TAF8: variants seen among roughly 807,000 people sequenced by gnomAD.
The protein encoded by TAF8 is transcription initiation factor TFIID subunit 8.
Under a neutral mutation model 36.5 loss-of-function variants are expected in TAF8, and 47 were observed. That is an observed-to-expected ratio of 1.29 (90% CI 1.02 to 1.64). The LOEUF (loss-of-function observed/expected upper bound fraction) is 1.64, where lower values mean the gene tolerates loss of function less well. Among genes scored for constraint, TAF8 ranks in the 40% most tolerant of loss-of-function variants. The pLI, the probability that TAF8 is intolerant of heterozygous loss-of-function variation, is 0.00. For synonymous variants in TAF8, 175 were observed against 159.5 expected (o/e 1.10, Z -0.73); for missense variants, 420 against 407.6 (o/e 1.03, Z -0.26).
chr6:42,059,603 T>G (rs912861574), intron 5 of TAF8, among the ~76,000 whole-genome samples: 1 of 152,128 alleles, frequency 6.6e-6, no homozygotes, highest in Admixed American at 6.5e-5. Flanking sequence ...AACCATAATT[T>G]CCAATCTTGT....
chr6:42,051,290 T>G, intron 1 of TAF8, 67 bp from the exon 2 acceptor site: 1 of 1,427,312 alleles, frequency 7.0e-7, no homozygotes, highest in Non-Finnish European at 9.5e-7. Context: ...TGCTTGCCGT[T>G]GACCACGTAT....
Position 42,066,478 on chromosome 6 carries a change from T to A in TAF8, c.637+19T>A. The A allele has an allele frequency of 6.2e-7, 1 of 1,613,380 alleles. No individual in the cohort carries two copies. The stretch of plus-strand genomic sequence containing the variant: ...TTTCCATGTGAGAGTTGCCCCACTG[T>A]GTGGACCCTGTCTTATTTGAAACAC... On this transcript the variant is annotated intron_variant, in intron 6 of 8. Transcript: ENST00000372977.
downstream of TAF8, among the ~76,000 whole-genome samples, chr6:42,086,543 C>T (rs1292211437): frequency 2.0e-5 from 3 of 152,178 alleles, no homozygotes; most frequent in Admixed American, 6.5e-5. Context: ...TGAGCAACTC[C>T]TTCAGGAACT....
chr6:42,052,317 G>GCGC (rs1412724274), intron 2 of TAF8, among the ~76,000 whole-genome samples: 9 of 138,566 alleles, frequency 6.5e-5, no homozygotes, highest in African/African-American at 2.2e-4. Context: ...AAGGGGAAAA[G>GCGC]CCCCCCCCCC....
Position 42,082,109 on chromosome 6 carries a change from TTA to T in TAF8, c.*4566_*4567del, listed in dbSNP as rs1359922119. 2 of 152,246 alleles carry T rather than the reference TTA, an allele frequency of 1.3e-5. No individual in the cohort carries two copies. Among genetic ancestry groups the T allele is most frequent in the Non-Finnish European group, 2.9e-5 (2 of 68,056 alleles). 9.4% of individuals were successfully genotyped at this position (152,246 alleles called of 1,614,324 possible). On this transcript the variant is annotated 3_prime_UTR_variant, in exon 9 of 9. Coordinates refer to ENST00000372977, the MANE Select transcript of TAF8 (RefSeq NM_138572.3). The stretch of plus-strand genomic sequence containing the variant: ...AGTTTTCACCATGTGCACGTGTGTG[TTA>T]TGTGTGTGTTGTTCCGTGCAGTTTC...
intron 7 of TAF8, 137 bp downstream of exon 7, chr6:42,068,744 C>G: frequency 1.0e-6 from 1 of 1,000,248 alleles, no homozygotes; most frequent in Non-Finnish European, 1.5e-6. Flanking sequence ...TAAGGGCTTG[C>G]GTGATGATCC....
chr6:42,053,360 T>C (rs1370957657), intron 2 of TAF8, among the ~76,000 whole-genome samples: 1 of 152,170 alleles, frequency 6.6e-6, no homozygotes, highest in Middle Eastern at 3.4e-3. Flanking sequence ...GTCAGGAGTT[T>C]CAAGACCAAC....
chr6:42,053,245 A>G (rs1764861505), intron 2 of TAF8, among the ~76,000 whole-genome samples: 1 of 152,096 alleles, frequency 6.6e-6, no homozygotes, highest in Admixed American at 6.6e-5. Context: ...GCTTTTGTAT[A>G]TGTGTATTTG....
At chr6:42,083,611 TAACA>T (rs940960605), downstream of TAF8, among the ~76,000 whole-genome samples, 2 of 152,194 alleles carry the variant, frequency 1.3e-5, no homozygotes, top group African/African-American at 4.8e-5. Context: ...CCTTCTATTT[TAACA>T]AACAAGTGTG....
intron 2 of TAF8, 141 bp downstream of exon 2, chr6:42,051,654 G>A: frequency 1.0e-6 from 1 of 953,406 alleles, no homozygotes; most frequent in Non-Finnish European, 1.5e-6. Flanking sequence ...AATGTAAAAA[G>A]TTGAGAAAAG....
chr6:42,061,169 GTC>G (rs915616223), intron 5 of TAF8, among the ~76,000 whole-genome samples: 8 of 152,184 alleles, frequency 5.3e-5, no homozygotes, highest in African/African-American at 1.9e-4. Context: ...GATGACAAAA[GTC>G]TATAGCCACT....
chr6:42,085,884 C>G (rs1485224890), downstream of TAF8, among the ~76,000 whole-genome samples: 3 of 152,212 alleles, frequency 2.0e-5, no homozygotes, highest in Admixed American at 1.3e-4. Flanking sequence ...ACTCGGGAGG[C>G]TGAGGCAGGA....
At chr6:42,067,658 C>T (rs1005001303) in intron 6 of TAF8, among the ~76,000 whole-genome samples, 2 of 152,202 alleles carry the variant, frequency 1.3e-5, no homozygotes, top group African/African-American at 4.8e-5. Flanking sequence ...GCCTGGACCT[C>T]CTGGACTCAA....
In TAF8 at chr6:42,081,089, G is replaced by C; in HGVS notation, c.*3544G>C. 2.6e-6 allele frequency: 1 copy of C among 379,334 alleles called. No homozygotes were observed. Among genetic ancestry groups the C allele is most frequent in the Non-Finnish European group, 3.6e-6 (1 of 276,692 alleles). The allele number at this position is 379,334 out of a possible 1,614,324, so 23.5% of individuals were successfully genotyped here. On this transcript the variant is annotated 3_prime_UTR_variant, in exon 9 of 9. Transcript: ENST00000372977. ...TGAACCCCTGTATATGCCTCATCAA[G>C]CTTCCACACTTGTCAGTAGCTTGTT...
At position 42,079,894 on chromosome 6, in the gene TAF8, T is replaced by C. The variant is rs1765870306; in HGVS notation, c.*2349T>C. The stretch of plus-strand genomic sequence containing the variant: ...CATTCCCTTGGTGAATTTGGAAACT[T>C]GAAAAACTTGGGGACTTGACAGCAG... On this transcript the variant is annotated 3_prime_UTR_variant, in exon 9 of 9. Transcript: ENST00000372977. The C allele has an allele frequency of 2.3e-5, 23 of 985,146 alleles. No individual in the cohort carries two copies. Among genetic ancestry groups the C allele is most frequent in the Non-Finnish European group, 2.3e-5 (19 of 829,898 alleles). The allele number at this position is 985,146 out of a possible 1,614,324, so 61.0% of individuals were successfully genotyped here. A position where few individuals can be genotyped will look rare whatever the true frequency, so the allele number is the denominator to read the frequency against.
intron 5 of TAF8, among the ~76,000 whole-genome samples, chr6:42,058,554 C>T (rs1765084428): frequency 6.6e-6 from 1 of 152,176 alleles, no homozygotes; most frequent in Non-Finnish European, 1.5e-5. Flanking sequence ...TCCTTTGCTT[C>T]TGCCTGCATA....
chr6:42,055,891 A>ACTG (rs58659383), intron 3 of TAF8, 61 bp from the exon 4 acceptor site: 6 of 1,148,248 alleles, frequency 5.2e-6, no homozygotes, highest in Non-Finnish European at 7.9e-6. Context: ...TACTACTACT[A>ACTG]TTCTTTCTGT....
At chr6:42,070,808 G>A (rs992311878) in intron 7 of TAF8, among the ~76,000 whole-genome samples, 6 of 152,224 alleles carry the variant, frequency 3.9e-5, no homozygotes, top group Non-Finnish European at 8.8e-5. Flanking sequence ...AGAAAGAAAA[G>A]TCTGGGAATG....
At chr6:42,068,645 A>G (rs1404288758) in intron 7 of TAF8, 38 bp downstream of exon 7, 1 of 1,605,968 alleles carries the variant, frequency 6.2e-7, no homozygotes, top group South Asian at 1.1e-5. Context: ...AGTATCCCCC[A>G]AACTGTCGCA....
Sources: gnomAD v4.1 joint callset for allele counts (sites outside exome capture counted in the v4.1 genomes callset) on GRCh38, gnomAD v4.1.1 for gene constraint, MANE v1.5 for transcripts, NCBI Gene and HGNC (gene_info 2026-07-23, HGNC 2026-07-21) for gene names.